Variants in ADAMTS20 observed in about 807,000 individuals in gnomAD.
ADAMTS20 encodes A disintegrin and metalloproteinase with thrombospondin motifs 20.
Under a neutral mutation model 260.1 loss-of-function variants are expected in ADAMTS20, and 225 were observed. The observed-to-expected ratio is 0.87, with a 90% CI of 0.78 to 0.97. The LOEUF (loss-of-function observed/expected upper bound fraction) is 0.97. ADAMTS20 is among the 50% of genes least tolerant of loss of function. ADAMTS20 has a pLI of 0.00. For missense variants in ADAMTS20, 2,400 were observed against 2,337.7 expected (o/e 1.03, Z -0.55); for synonymous variants, 802 against 769.5 (o/e 1.04, Z -0.70).
At chr12:43,460,989 T>TATATATATATATA (rs1555129949) in intron 11 of ADAMTS20, among the ~76,000 whole-genome samples, 8 of 25,918 alleles carry the variant, frequency 3.1e-4, no homozygotes, top group Non-Finnish European at 4.9e-4. Flanking sequence ...TATATATATA[T>TATATATATATATA]TTTTTTTTTT....
At chr12:43,501,477 G>GCA (rs1299065787) in intron 4 of ADAMTS20, among the ~76,000 whole-genome samples, 6 of 62,190 alleles carry the variant, frequency 9.6e-5, no homozygotes, top group African/African-American at 2.8e-4. Flanking sequence ...GCGCGCGCGC[G>GCA]CGCGCACACA....
intron 29 of ADAMTS20, among the ~76,000 whole-genome samples, chr12:43,395,723 T>C (rs576797440): frequency 6.9e-6 from 1 of 145,016 alleles, no homozygotes; most frequent in Admixed American, 7.0e-5. Flanking sequence ...ATGGATTTAC[T>C]ATATGAGACT....
At chr12:43,374,204 G>C (rs1565669915) in intron 36 of ADAMTS20, among the ~76,000 whole-genome samples, 2 of 152,060 alleles carry the variant, frequency 1.3e-5, no homozygotes, top group Admixed American at 6.6e-5. Flanking sequence ...CACTGTAGTA[G>C]ATGGTGGATG....
At chr12:43,476,779 G>C (rs11182103) in intron 7 of ADAMTS20, among the ~76,000 whole-genome samples, 45,227 of 142,162 alleles carry the variant, frequency 0.32, 7,846 homozygotes, top group East Asian at 0.75. Flanking sequence ...CTCACTCATA[G>C]GTGGGAATTG....
At chr12:43,513,751 G>C (rs1049305056) in intron 3 of ADAMTS20, among the ~76,000 whole-genome samples, 2 of 152,004 alleles carry the variant, frequency 1.3e-5, no homozygotes, top group African/African-American at 4.8e-5. Context: ...ATGAGTTCGT[G>C]TCCTTTGTAG....
intron 37 of ADAMTS20, among the ~76,000 whole-genome samples, chr12:43,360,049 G>A (rs1023771970): frequency 4.6e-5 from 7 of 152,062 alleles, no homozygotes; most frequent in South Asian, 2.1e-4. Flanking sequence ...GACAAGGTTC[G>A]GACTAAAATG....
intron 7 of ADAMTS20, among the ~76,000 whole-genome samples, chr12:43,485,532 C>T (rs528063482): frequency 5.3e-5 from 8 of 152,266 alleles, no homozygotes; most frequent in African/African-American, 1.7e-4. Flanking sequence ...CCCACTTTCA[C>T]TACTTCTATT....
chr12:43,539,532 C>T (rs530452937), intron 2 of ADAMTS20, among the ~76,000 whole-genome samples: 3 of 152,264 alleles, frequency 2.0e-5, no homozygotes, highest in Non-Finnish European at 4.4e-5. Flanking sequence ...TGATACCCTA[C>T]CATATTTCAC....
At chr12:43,471,056 G>C (rs1942247809) in intron 7 of ADAMTS20, among the ~76,000 whole-genome samples, 1 of 152,144 alleles carries the variant, frequency 6.6e-6, no homozygotes, top group African/African-American at 2.4e-5. Flanking sequence ...GGTGATTTCT[G>C]CATTTCCATC....
At chr12:43,358,027 T>C (rs1939781442) in intron 37 of ADAMTS20, among the ~76,000 whole-genome samples, 1 of 152,206 alleles carries the variant, frequency 6.6e-6, no homozygotes, top group Non-Finnish European at 1.5e-5. Flanking sequence ...CCTTCTCAGA[T>C]AGGTTTTTCA....
At chr12:43,380,330 A>G (rs1374720395) in intron 31 of ADAMTS20, among the ~76,000 whole-genome samples, 1 of 152,134 alleles carries the variant, frequency 6.6e-6, no homozygotes, top group East Asian at 1.9e-4. Flanking sequence ...CATAGTTAGC[A>G]TACTGAATTA....
At chr12:43,433,422 C>T (rs1388954101) in intron 19 of ADAMTS20, among the ~76,000 whole-genome samples, 2 of 152,092 alleles carry the variant, frequency 1.3e-5, no homozygotes, top group Admixed American at 6.5e-5. Context: ...AATTCATTTC[C>T]GTCCCTAATA....
intron 28 of ADAMTS20, among the ~76,000 whole-genome samples, chr12:43,419,724 T>C (rs1045208285): frequency 6.6e-6 from 1 of 151,770 alleles, no homozygotes; most frequent in African/African-American, 2.4e-5. Context: ...CTCAACATTA[T>C]AACACACACA....
At chr12:43,432,551 T>A in intron 20 of ADAMTS20, 50 bp downstream of exon 20, 1 of 1,605,082 alleles carries the variant, frequency 6.2e-7, no homozygotes, top group Non-Finnish European at 8.5e-7. Flanking sequence ...CATAAATACG[T>A]AATTAGAAAG....
chr12:43,539,754 G>A (rs1943350606), intron 2 of ADAMTS20, among the ~76,000 whole-genome samples: 1 of 152,122 alleles, frequency 6.6e-6, no homozygotes, highest in Non-Finnish European at 1.5e-5. Flanking sequence ...GGGGAAATGT[G>A]ATACTATCTT....
intron 7 of ADAMTS20, among the ~76,000 whole-genome samples, chr12:43,486,994 C>T: frequency 6.6e-6 from 1 of 152,144 alleles, no homozygotes; most frequent in South Asian, 2.1e-4. Context: ...GTTAGTATAA[C>T]CTCTGTGGAA....
At chr12:43,399,312 A>C in intron 28 of ADAMTS20, 79 bp from the exon 29 acceptor site, 1 of 1,147,574 alleles carries the variant, frequency 8.7e-7, no homozygotes, top group Non-Finnish European at 1.2e-6. Context: ...TACAAAATGT[A>C]ACAATCCACA....
intron 18 of ADAMTS20, among the ~76,000 whole-genome samples, chr12:43,435,658 C>CAAAAAAAAAAAAAAAAAAAAAA (rs1941538760): frequency 9.5e-6 from 1 of 105,490 alleles, no homozygotes; most frequent in Non-Finnish European, 2.0e-5. Flanking sequence ...AAAAAAAAAA[C>CAAAAAAAAAAAAAAAAAAAAAA]AAAAAAATAA....
intron 3 of ADAMTS20, among the ~76,000 whole-genome samples, chr12:43,522,175 A>C (rs923217284): frequency 2.6e-5 from 4 of 151,302 alleles, no homozygotes; most frequent in African/African-American, 9.7e-5. Flanking sequence ...CAGAAGGTGA[A>C]GTGAGGAAGC....
Sources: gnomAD v4.1 joint callset for allele counts (sites outside exome capture counted in the v4.1 genomes callset) on GRCh38, gnomAD v4.1.1 for gene constraint, MANE v1.5 for transcripts, NCBI Gene and HGNC (gene_info 2026-07-23, HGNC 2026-07-21) for gene names.